ARHGAP6: variants seen among roughly 807,000 people sequenced by gnomAD.
ARHGAP6 encodes the protein Rho GTPase activating protein 6.
Under a neutral mutation model 55.7 loss-of-function variants are expected in ARHGAP6, and 16 were observed. The ratio of observed to expected loss-of-function variants is 0.29; its 90% CI spans 0.19 to 0.44. The LOEUF is 0.44. Ranked by LOEUF, ARHGAP6 falls within the 20% of genes least tolerant of loss-of-function variation. The probability of loss-of-function intolerance (pLI) is 1.00; values close to 1 mark genes in which losing one functional copy is unlikely to be tolerated. For missense variants in ARHGAP6, 698 were observed against 808.9 expected (o/e 0.86, Z 1.66); for synonymous variants, 382 against 360.9 (o/e 1.06, Z -0.66).
chrX:11,148,534 C>T (rs1240704526), intron 10 of ARHGAP6: 4 of 249,785 alleles, frequency 1.6e-5, no homozygotes, highest in African/African-American at 8.5e-5. Flanking sequence ...CCGTTAGACC[C>T]CCAAACCCCA....
intron 1 of ARHGAP6, among the ~76,000 whole-genome samples, chrX:11,375,448 A>G (rs1440912091): frequency 8.9e-6 from 1 of 112,414 alleles, no homozygotes; most frequent in African/African-American, 3.2e-5. Flanking sequence ...AACTTCATCT[A>G]TCCTAGGTAA....
chrX:11,501,137 C>T (rs2050673980), intron 1 of ARHGAP6, among the ~76,000 whole-genome samples: 1 of 112,093 alleles, frequency 8.9e-6, no homozygotes, highest in African/African-American at 3.2e-5. Context: ...TAAAAAGAAA[C>T]TGAGATTATG....
At chrX:11,397,589 AT>A (rs1163233343) in intron 1 of ARHGAP6, among the ~76,000 whole-genome samples, 3 of 111,969 alleles carry the variant, frequency 2.7e-5, no homozygotes, top group Non-Finnish European at 5.6e-5. Flanking sequence ...GTATGAAAAT[AT>A]CCTGCAAGCT....
chrX:11,406,495 A>ACACT (rs1426317689), intron 1 of ARHGAP6, among the ~76,000 whole-genome samples: 1 of 111,404 alleles, frequency 9.0e-6, no homozygotes, highest in African/African-American at 3.3e-5. Flanking sequence ...CCCCACACAC[A>ACACT]CACTCACACA....
intron 1 of ARHGAP6, among the ~76,000 whole-genome samples, chrX:11,460,063 A>G (rs2050229677): frequency 9.0e-6 from 1 of 111,718 alleles, no homozygotes; most frequent in African/African-American, 3.3e-5. Flanking sequence ...TGGGAATATG[A>G]TGGAACAGTC....
intron 1 of ARHGAP6, among the ~76,000 whole-genome samples, chrX:11,484,807 C>G (rs1399545179): frequency 9.0e-6 from 1 of 111,333 alleles, no homozygotes; most frequent in Admixed American, 9.5e-5. Flanking sequence ...ATTTAACACT[C>G]AGAAATAAAA....
At chrX:11,525,456 CTTG>C (rs1175891593) in intron 1 of ARHGAP6, among the ~76,000 whole-genome samples, 1 of 111,811 alleles carries the variant, frequency 8.9e-6, no homozygotes, top group East Asian at 2.8e-4. Context: ...ATCATAGACA[CTTG>C]TTGGTGAATG....
At chrX:11,556,895 T>C (rs1483790266) in intron 1 of ARHGAP6, among the ~76,000 whole-genome samples, 1 of 111,952 alleles carries the variant, frequency 8.9e-6, no homozygotes, top group African/African-American at 3.3e-5. Flanking sequence ...CTATGTCTTA[T>C]CCATGTCTGT....
At chrX:11,631,744 T>C (rs2052364125) in intron 1 of ARHGAP6, among the ~76,000 whole-genome samples, 1 of 111,826 alleles carries the variant, frequency 8.9e-6, no homozygotes, top group African/African-American at 3.2e-5. Flanking sequence ...GCTACTCAAA[T>C]CTGCTATAAA....
intron 1 of ARHGAP6, among the ~76,000 whole-genome samples, chrX:11,580,487 T>C (rs745550962): frequency 8.2e-4 from 92 of 111,756 alleles, no homozygotes; most frequent in African/African-American, 2.9e-3. Context: ...TAATCTTTCA[T>C]TAGAAGGAGA....
At chrX:11,153,254 G>C (rs1365039975) in intron 10 of ARHGAP6, among the ~76,000 whole-genome samples, 1 of 110,511 alleles carries the variant, frequency 9.0e-6, no homozygotes, top group Non-Finnish European at 1.9e-5. Flanking sequence ...ATGAGTGAGT[G>C]AGTTTAAAAC....
chrX:11,505,010 CT>C (rs2050717604), intron 1 of ARHGAP6, among the ~76,000 whole-genome samples: 1 of 111,188 alleles, frequency 9.0e-6, no homozygotes, highest in Admixed American at 9.6e-5. Flanking sequence ...GGTGGCTTTT[CT>C]TGAGCAAACT....
At chrX:11,324,404 C>T (rs903775338) in intron 1 of ARHGAP6, among the ~76,000 whole-genome samples, 1 of 111,873 alleles carries the variant, frequency 8.9e-6, no homozygotes, top group African/African-American at 3.3e-5. Flanking sequence ...ACTCAATTAA[C>T]ATCTGTTTAC....
At chrX:11,507,892 T>C (rs1020240183) in intron 1 of ARHGAP6, among the ~76,000 whole-genome samples, 1 of 112,088 alleles carries the variant, frequency 8.9e-6, no homozygotes, top group African/African-American at 3.2e-5. Context: ...ATAGTCCCAC[T>C]GCTAATAAAG....
intron 1 of ARHGAP6, among the ~76,000 whole-genome samples, chrX:11,526,938 T>C (rs1418925322): frequency 9.1e-6 from 1 of 110,090 alleles, no homozygotes; most frequent in African/African-American, 3.3e-5. Context: ...TTTAAAAGTT[T>C]AGAAACCATT....
At chrX:11,541,573 A>G (rs2051157901) in intron 1 of ARHGAP6, among the ~76,000 whole-genome samples, 1 of 112,166 alleles carries the variant, frequency 8.9e-6, no homozygotes, top group African/African-American at 3.2e-5. Context: ...AGAAATTAAA[A>G]AGGCTTAATT....
intron 1 of ARHGAP6, among the ~76,000 whole-genome samples, chrX:11,373,090 CACAA>C (rs1434068820): frequency 1.6e-5 from 1 of 63,811 alleles, no homozygotes; most frequent in African/African-American, 6.5e-5. Flanking sequence ...CACACACACA[CACAA>C]ACACACACAC....
At chrX:11,268,539 T>A (rs1188560450) in intron 1 of ARHGAP6, among the ~76,000 whole-genome samples, 2 of 111,728 alleles carry the variant, frequency 1.8e-5, no homozygotes, top group African/African-American at 6.5e-5. Flanking sequence ...AGCCCCTTTT[T>A]CGTGGGCATT....
chrX:11,139,357 C>A lies in ARHGAP6; in HGVS notation c.2431G>T (p.Ala811Ser). The A allele has an allele frequency of 8.5e-7, 1 of 1,177,977 alleles. No homozygotes were observed. The highest frequency in any genetic ancestry group is 1.1e-6 in the Non-Finnish European group (1 of 880,387). The stretch of plus-strand genomic sequence containing the variant: ...CAGGCGCGCGACACCGCAGGGTGGG[C>A]CCTGCCCTCCGTCGCGGGGGCTGCG... ...QAAAPATEGR[A>S]HPAVSRACST... is the part of the protein sequence containing the mutation. Residue 811 changes from alanine to serine, a missense_variant, in exon 13 of 13, where the codon GCC (alanine) becomes TCC (serine). Transcript: ENST00000337414.
Sources: gnomAD v4.1 joint callset for allele counts (sites outside exome capture counted in the v4.1 genomes callset) on GRCh38, gnomAD v4.1.1 for gene constraint, MANE v1.5 for transcripts, NCBI Gene and HGNC (gene_info 2026-07-23, HGNC 2026-07-21) for gene names.